PLEKHA1: variants seen among roughly 807,000 people sequenced by gnomAD.
The protein encoded by PLEKHA1 is pleckstrin homology domain containing A1.
PLEKHA1 carries 34 observed loss-of-function variants against 52.0 expected under a neutral mutation model. The ratio of observed to expected loss-of-function variants is 0.65; its 90% CI spans 0.50 to 0.87. PLEKHA1 has a LOEUF of 0.87. Among genes scored for constraint, PLEKHA1 ranks in the 40% least tolerant of loss-of-function variants. The pLI is 0.00. For synonymous variants in PLEKHA1, 163 were observed against 170.7 expected (o/e 0.95, Z 0.35); for missense variants, 497 against 504.2 (o/e 0.99, Z 0.14).
chr10:122,408,752 A>G (rs569871725), intron 5 of PLEKHA1, among the ~76,000 whole-genome samples: 2 of 152,174 alleles, frequency 1.3e-5, no homozygotes, highest in Non-Finnish European at 1.5e-5. Context: ...CATTTTATAC[A>G]TTTAAGTGTA....
chr10:122,384,144 T>G (rs2096654700), intron 1 of PLEKHA1, among the ~76,000 whole-genome samples: 1 of 152,196 alleles, frequency 6.6e-6, no homozygotes, highest in Admixed American at 6.5e-5. Context: ...TGGTACAATG[T>G]TCATGTCTTT....
At chr10:122,411,744 G>A (rs1239060555) in intron 5 of PLEKHA1, 1 of 152,114 alleles carries the variant, frequency 6.6e-6, no homozygotes, top group Non-Finnish European at 1.5e-5. Flanking sequence ...ACTAATAAAC[G>A]GTTTGAGCCT....
downstream of PLEKHA1, chr10:122,435,728 T>G (rs924598644): frequency 6.6e-6 from 1 of 152,156 alleles, no homozygotes; most frequent in Non-Finnish European, 1.5e-5. Flanking sequence ...AATGAAGTTT[T>G]GGTTTTTTAA....
intron 4 of PLEKHA1, 74 bp from the exon 5 acceptor site, chr10:122,406,502 T>G (rs41310276): frequency 0.14 from 170,323 of 1,235,420 alleles, 13,276 homozygotes; most frequent in Non-Finnish European, 0.16. Context: ...TTAGCAAGGT[T>G]TTTCAGCTAC....
intron 10 of PLEKHA1, 148 bp downstream of exon 10, chr10:122,425,107 A>G (rs2097319089): frequency 3.5e-6 from 2 of 571,492 alleles, no homozygotes; most frequent in Non-Finnish European, 5.8e-6. Context: ...GGTACTGTAT[A>G]TAGAGTTATT....
At chr10:122,384,916 G>A (rs569349489) in intron 1 of PLEKHA1, among the ~76,000 whole-genome samples, 114 of 152,214 alleles carry the variant, frequency 7.5e-4, no homozygotes, top group Non-Finnish European at 1.1e-3. Context: ...AGTATCACGC[G>A]ACTGCACTGC....
chr10:122,423,802 T>C (rs1022434745), intron 8 of PLEKHA1: 1 of 167,542 alleles, frequency 6.0e-6, no homozygotes, highest in East Asian at 1.8e-4. Context: ...AATCACAAAT[T>C]TAAGTCAAAG....
intron 8 of PLEKHA1, 36 bp downstream of exon 8, chr10:122,418,004 G>A (rs1565289638): frequency 6.6e-7 from 1 of 1,518,546 alleles, no homozygotes; most frequent in South Asian, 1.1e-5. Context: ...CTATAAGAAT[G>A]TTTGAAAAGT....
intron 1 of PLEKHA1, among the ~76,000 whole-genome samples, chr10:122,377,735 T>C (rs567321667): frequency 6.6e-6 from 1 of 152,340 alleles, no homozygotes; most frequent in East Asian, 1.9e-4. Context: ...ACTTTTTTTC[T>C]TGTGGGTACT....
At position 122,432,032 on chromosome 10, in the gene PLEKHA1, T is replaced by C. The variant is rs900076950; in HGVS notation, c.*2094T>C. 2 of 152,228 alleles carry C rather than the reference T, an allele frequency of 1.3e-5. No homozygotes were observed. Among genetic ancestry groups the C allele is most frequent in the Non-Finnish European group, 2.9e-5 (2 of 68,030 alleles). 9.4% of individuals were successfully genotyped at this position (152,228 alleles called of 1,614,324 possible). On this transcript the variant is annotated 3_prime_UTR_variant, in exon 12 of 12. Coordinates refer to ENST00000368990, the MANE Select transcript of PLEKHA1 (RefSeq NM_001001974.4). ...GGACATTTTAAAATAGAACTATCCT[T>C]GTTCGATAGCATAGGAAAATGTTCT...
intron 1 of PLEKHA1, among the ~76,000 whole-genome samples, chr10:122,376,952 T>A (rs1252684816): frequency 6.6e-6 from 1 of 152,212 alleles, no homozygotes; most frequent in Non-Finnish European, 1.5e-5. Flanking sequence ...TTATGGGGAC[T>A]TCCCCCCACA....
intron 6 of PLEKHA1, among the ~76,000 whole-genome samples, 199 bp from the exon 7 acceptor site, chr10:122,415,660 A>C (rs1181579593): frequency 2.6e-5 from 4 of 152,216 alleles, no homozygotes; most frequent in African/African-American, 9.6e-5. Flanking sequence ...GACTTGTGCA[A>C]AACAAGAGGA....
chr10:122,405,741 A>G (rs1043953972), intron 4 of PLEKHA1, among the ~76,000 whole-genome samples: 1 of 152,130 alleles, frequency 6.6e-6, no homozygotes, highest in African/African-American at 2.4e-5. Flanking sequence ...GAGAAGGGGT[A>G]GTAGTATTAC....
At chr10:122,396,028 G>T (rs2096844736) in intron 2 of PLEKHA1, among the ~76,000 whole-genome samples, 1 of 151,848 alleles carries the variant, frequency 6.6e-6, no homozygotes, top group Admixed American at 6.6e-5. Context: ...TTTTTTTCCA[G>T]TCGAACCTGA....
At chr10:122,417,273 T>A (rs1381289403) in intron 7 of PLEKHA1, among the ~76,000 whole-genome samples, 1 of 151,952 alleles carries the variant, frequency 6.6e-6, no homozygotes, top group African/African-American at 2.4e-5. Flanking sequence ...TTCCTGTGTT[T>A]GCTCTTTACA....
Position 122,393,135 on chromosome 10 carries a change from T to A in PLEKHA1, c.-20-46T>A. The A allele has an allele frequency of 6.8e-7, 1 of 1,467,968 alleles. No homozygotes were observed. The allele number at this position is 1,467,968 out of a possible 1,614,324, so 90.9% of individuals were successfully genotyped here. A position where few individuals can be genotyped will look rare whatever the true frequency, so the allele number is the denominator to read the frequency against. Reference sequence around the variant, plus strand: ...CAGATTTGCAGTCCATGAGAAATACTTTCCTGTTTCATAGGGAGCTTACTG... The same window carrying A: ...CAGATTTGCAGTCCATGAGAAATACATTCCTGTTTCATAGGGAGCTTACTG... On this transcript the variant is annotated intron_variant, in intron 1 of 11. Coordinates refer to ENST00000368990, the MANE Select transcript of PLEKHA1 (RefSeq NM_001001974.4). This position sits in a 1 kb window ranked among gnomAD's most constrained non-coding sequence, Gnocchi z 4.5.
chr10:122,418,048 A>G, intron 8 of PLEKHA1, 80 bp downstream of exon 8: 2 of 1,121,838 alleles, frequency 1.8e-6, no homozygotes, highest in East Asian at 2.4e-5. Context: ...AATTTCTTGT[A>G]CTGTTCTGTA....
chr10:122,436,733 AGTG>A, downstream of PLEKHA1: 1 of 118,374 alleles, frequency 8.4e-6, no homozygotes, highest in Non-Finnish European at 1.9e-5. Flanking sequence ...GGGTAAGATA[AGTG>A]TTGTGATGGA....
At position 122,431,531 on chromosome 10, in the gene PLEKHA1, T is replaced by G. The variant is rs912647942; in HGVS notation, c.*1593T>G. The stretch of plus-strand genomic sequence containing the variant: ...GCCATTTTACAGTACTGTTTTGTTT[T>G]GAATTCATGCATATCATTGAAAATT... On this transcript the variant is annotated 3_prime_UTR_variant, in exon 12 of 12. Coordinates refer to ENST00000368990, the MANE Select transcript of PLEKHA1 (RefSeq NM_001001974.4). 1 of 152,678 alleles carries G rather than the reference T, an allele frequency of 6.5e-6. No individual in the cohort carries two copies. Among genetic ancestry groups the G allele is most frequent in the Non-Finnish European group, 1.5e-5 (1 of 68,048 alleles). The allele number at this position is 152,678 out of a possible 1,614,324, so 9.5% of individuals were successfully genotyped here.
Sources: gnomAD v4.1 joint callset for allele counts (sites outside exome capture counted in the v4.1 genomes callset) on GRCh38, gnomAD v4.1.1 for gene constraint, Gnocchi (gnomAD v3.1) non-coding constraint, MANE v1.5 for transcripts, NCBI Gene and HGNC (gene_info 2026-07-23, HGNC 2026-07-21) for gene names.